The following KLF12 variants were observed in gnomAD, a reference collection of about 807,000 sequenced individuals.
The protein encoded by KLF12 is Krueppel-like factor 12.
A neutral mutation model predicts 37.8 loss-of-function variants in KLF12; 9 were observed. The ratio of observed to expected loss-of-function variants is 0.24; its 90% confidence interval spans 0.14 to 0.42. KLF12 has a LOEUF of 0.42. Among genes scored for constraint, KLF12 ranks in the 10% least tolerant of loss-of-function variants. The probability of loss-of-function intolerance (pLI) is 1.00; values close to 1 mark genes in which losing one functional copy is unlikely to be tolerated. For missense variants in KLF12, 411 were observed against 516.0 expected, an observed-to-expected ratio of 0.80 and a Z score of 1.97; for synonymous variants, 208 against 202.1, an observed-to-expected ratio of 1.03 and a Z score of -0.25.
At chr13:74,021,102 C>A (rs1480699879) in intron 1 of KLF12, among the ~76,000 whole-genome samples, 1 of 151,924 alleles carries the variant, frequency 6.6e-6, no homozygotes, top group Non-Finnish European at 1.5e-5. Context: ...GTGGTTTCAC[C>A]TAAAGACCAT....
intron 6 of KLF12, among the ~76,000 whole-genome samples, chr13:73,744,910 A>G (rs1409072717): frequency 6.6e-6 from 1 of 152,180 alleles, no homozygotes; most frequent in Admixed American, 6.5e-5. Context: ...AAAAGAACTC[A>G]ACATTCATGC....
At chr13:74,213,149 T>A in the KLF12 span, among the ~76,000 whole-genome samples, 1 of 152,200 alleles carries the variant, frequency 6.6e-6, no homozygotes, top group Non-Finnish European at 1.5e-5. Flanking sequence ...CTTATATTAC[T>A]TTTTAGTAGT....
At chr13:74,225,013 G>C in the KLF12 span, among the ~76,000 whole-genome samples, 17 of 152,216 alleles carry the variant, frequency 1.1e-4, no homozygotes, top group African/African-American at 4.1e-4. Context: ...CTTTTAATCA[G>C]CTGAAAGCAT....
At chr13:74,134,618 C>A (rs1040186951), upstream of KLF12, among the ~76,000 whole-genome samples, 1 of 151,978 alleles carries the variant, frequency 6.6e-6, no homozygotes, top group Admixed American at 6.5e-5. Flanking sequence ...GCTGCGGCAC[C>A]CCAAATAACC....
chr13:74,022,668 CAAA>C (rs58422903), intron 1 of KLF12, among the ~76,000 whole-genome samples: 13 of 136,464 alleles, frequency 9.5e-5, no homozygotes, highest in Non-Finnish European at 9.4e-5. Flanking sequence ...AGGGTAAATC[CAAA>C]AAAAAAAAAA....
chr13:74,044,414 G>A (rs1262268054), intron 1 of KLF12, among the ~76,000 whole-genome samples: 1 of 152,098 alleles, frequency 6.6e-6, no homozygotes, highest in East Asian at 1.9e-4. Context: ...ACTGAGGCAG[G>A]AGATATATAA....
the KLF12 span, among the ~76,000 whole-genome samples, chr13:74,256,718 G>GTGTGTGTGTGTC: frequency 2.7e-5 from 4 of 146,794 alleles, no homozygotes; most frequent in African/African-American, 1.0e-4. Context: ...GTGTGTGTGT[G>GTGTGTGTGTGTC]TCTAAGATTT....
chr13:73,981,834 G>A (rs777076944), intron 2 of KLF12, among the ~76,000 whole-genome samples: 4 of 152,068 alleles, frequency 2.6e-5, no homozygotes, highest in East Asian at 1.9e-4. Flanking sequence ...AGTTCATCTC[G>A]GACTTCCCAG....
chr13:73,936,800 C>A (rs1193421328), intron 3 of KLF12, among the ~76,000 whole-genome samples: 1 of 152,126 alleles, frequency 6.6e-6, no homozygotes, highest in Non-Finnish European at 1.5e-5. Context: ...GAAAAAACAT[C>A]TCTTATTTCA....
intron 1 of KLF12, among the ~76,000 whole-genome samples, chr13:74,126,176 TAC>T (rs1877931728): frequency 1.3e-5 from 2 of 152,196 alleles, no homozygotes; most frequent in African/African-American, 4.8e-5. Flanking sequence ...TATTAAATGA[TAC>T]AAATACATAT....
At chr13:73,947,229 T>C (rs1263296038) in intron 2 of KLF12, among the ~76,000 whole-genome samples, 1 of 152,262 alleles carries the variant, frequency 6.6e-6, no homozygotes, top group Non-Finnish European at 1.5e-5. Context: ...TGTATGCTTA[T>C]ACACTTGTTT....
intron 1 of KLF12, among the ~76,000 whole-genome samples, chr13:74,088,249 C>T (rs982555695): frequency 9.2e-5 from 14 of 152,000 alleles, no homozygotes; most frequent in African/African-American, 3.1e-4. Flanking sequence ...AACTATTACA[C>T]TGATAAAAAG....
intron 1 of KLF12, among the ~76,000 whole-genome samples, chr13:74,125,401 A>AC (rs1877888078): frequency 6.6e-6 from 1 of 151,344 alleles, no homozygotes; most frequent in Non-Finnish European, 1.5e-5. Flanking sequence ...TTCTTACCCC[A>AC]CCCTCCTTGA....
intron 6 of KLF12, among the ~76,000 whole-genome samples, chr13:73,724,747 C>G (rs973220521): frequency 6.6e-6 from 1 of 152,100 alleles, no homozygotes; most frequent in African/African-American, 2.4e-5. Context: ...AAAACTAAGG[C>G]TCAGAAAGAT....
At chr13:73,730,315 C>G (rs190164054) in intron 6 of KLF12, among the ~76,000 whole-genome samples, 28 of 152,152 alleles carry the variant, frequency 1.8e-4, no homozygotes, top group Admixed American at 1.8e-3. Context: ...AAAAGAAGAA[C>G]AACAGCTTCA....
At chr13:73,741,740 C>T (rs1208757992) in intron 6 of KLF12, among the ~76,000 whole-genome samples, 2 of 152,182 alleles carry the variant, frequency 1.3e-5, no homozygotes, top group Admixed American at 1.3e-4. Flanking sequence ...TTTACACTAA[C>T]AAGTTACTGC....
At chr13:74,232,060 A>G in the KLF12 span, among the ~76,000 whole-genome samples, 1 of 152,238 alleles carries the variant, frequency 6.6e-6, no homozygotes, top group Non-Finnish European at 1.5e-5. Flanking sequence ...TGGTGTAACA[A>G]GATCTGGGAG....
chr13:74,231,616 ATGTATATG>A, the KLF12 span: 4 of 152,182 alleles, frequency 2.6e-5, no homozygotes, highest in Non-Finnish European at 4.4e-5. Flanking sequence ...ATACAACATA[ATGTATATG>A]TTGTCTTTGG....
rs532640474 is a variant in KLF12, at chr13:73,866,222, T to C, written c.124-19849A>G. Among the ~76,000 whole-genome samples, 144 of 152,256 alleles carry C rather than the reference T, an allele frequency of 9.5e-4. 5 individuals carry two copies. In the South Asian group the frequency reaches 0.028, roughly 29 times the overall value. ...GTGAGCTGAGATCACGCCACTGCAC[T>C]CCAGCCTGGGCGACAGAGCAAGACT... On this transcript the variant is annotated intron_variant, in intron 3 of 7. Transcript: ENST00000377669.
Sources: gnomAD v4.1 joint callset for allele counts (sites outside exome capture counted in the v4.1 genomes callset) on GRCh38, gnomAD v4.1.1 for gene constraint, MANE v1.5 for transcripts, NCBI Gene and HGNC (gene_info 2026-07-23, HGNC 2026-07-21) for gene names.